CFAP43: variants seen among roughly 807,000 people sequenced by gnomAD.
CFAP43 encodes the protein cilia and flagella associated protein 43, also known as cilia- and flagella-associated protein 43.
In CFAP43, 155 loss-of-function variants were observed where a neutral mutation model predicts 218.9. The ratio of observed to expected loss-of-function variants is 0.71; its 90% CI spans 0.62 to 0.81. CFAP43 has a LOEUF of 0.81. Among genes scored for constraint, CFAP43 ranks in the 30% least tolerant of loss-of-function variants. The pLI is 0.00. For missense variants in CFAP43, 1,778 were observed against 1,954.3 expected, an observed-to-expected ratio of 0.91 and a Z score of 1.70; for synonymous variants, 645 against 681.3, an observed-to-expected ratio of 0.95 and a Z score of 0.83.
At chr10:104,215,424 C>T (rs775027159) in intron 3 of CFAP43, among the ~76,000 whole-genome samples, 34 of 152,130 alleles carry the variant, frequency 2.2e-4, no homozygotes, top group Non-Finnish European at 4.9e-4. Context: ...CACAAATGCC[C>T]TGCCCAACAC....
intron 5 of CFAP43, among the ~76,000 whole-genome samples, chr10:104,208,881 GC>G (rs1303585082): frequency 6.6e-6 from 1 of 152,118 alleles, no homozygotes; most frequent in Non-Finnish European, 1.5e-5. Flanking sequence ...GATAACATCT[GC>G]CTTTGATTTC....
At chr10:104,232,085 G>A in intron 1 of CFAP43, 97 bp downstream of exon 1, 2 of 1,412,000 alleles carry the variant, frequency 1.4e-6, no homozygotes, top group Non-Finnish European at 1.9e-6. Flanking sequence ...TGCGGGGAAA[G>A]CCGCCCTAAG....
At position 104,230,705 on chromosome 10, in the gene CFAP43, C is replaced by T; in HGVS notation, c.204G>A (p.Val68=). 1 of 1,614,028 alleles carries T rather than the reference C, an allele frequency of 6.2e-7. No individual in the cohort carries two copies. Among genetic ancestry groups the T allele is most frequent in the Non-Finnish European group, 8.5e-7 (1 of 1,180,026 alleles). ...KTVLQCSNGI[V]GVMATNIPCE... The stretch of plus-strand genomic sequence containing the variant: ...AGGGGATGTTAGTTGCCATGACGCC[C>T]ACAATTCCATTACTACACTGCAGTA... The change falls in exon 2 of 38, where the codon GTG becomes GTA. Residue 68 remains valine (V), a synonymous_variant. Coordinates refer to ENST00000357060, the MANE Select transcript of CFAP43 (RefSeq NM_025145.7).
intron 12 of CFAP43, among the ~76,000 whole-genome samples, chr10:104,190,174 A>T (rs1340808897): frequency 6.6e-6 from 1 of 150,994 alleles, no homozygotes; most frequent in African/African-American, 2.4e-5. Context: ...ACAAAAACAA[A>T]ACAGAGAACA....
intron 33 of CFAP43, 62 bp downstream of exon 33, chr10:104,142,219 C>T: frequency 7.1e-7 from 1 of 1,401,400 alleles, no homozygotes; most frequent in Non-Finnish European, 1.0e-6. Flanking sequence ...AGTGATAACA[C>T]AACCTGATTT....
In CFAP43 at chr10:104,168,797, G is replaced by A; in HGVS notation, c.2638C>T (p.Leu880Phe). The A allele has an allele frequency of 6.2e-7, 1 of 1,614,068 alleles. No individual in the cohort carries two copies. The highest frequency in any genetic ancestry group is 2.2e-5 in the East Asian group (1 of 44,884). Residue 880 changes from leucine to phenylalanine, a missense_variant, in exon 21 of 38, where the codon CTT (leucine) becomes TTT (phenylalanine). Physicochemically the swap from Leu to Phe is conservative, Grantham distance 22 (BLOSUM62 0). Transcript: ENST00000357060. ...HNLAKSYLAELIKEECWNSMA... is the reference protein window; with the variant it reads ...HNLAKSYLAEFIKEECWNSMA... Reference sequence around the variant, plus strand: ...GAATTCCAACATTCTTCTTTGATAAGTTCAGCCAAATAGCTCTTGGCTAAG... The same window carrying A: ...GAATTCCAACATTCTTCTTTGATAAATTCAGCCAAATAGCTCTTGGCTAAG...
chr10:104,205,487 C>T (rs1182362156), intron 7 of CFAP43, among the ~76,000 whole-genome samples: 1 of 152,012 alleles, frequency 6.6e-6, no homozygotes, highest in African/African-American at 2.4e-5. Flanking sequence ...TAGCTTGGTG[C>T]CTGGCACAAA....
intron 33 of CFAP43, among the ~76,000 whole-genome samples, chr10:104,141,256 G>T (rs1198147535): frequency 6.6e-6 from 1 of 152,122 alleles, no homozygotes; most frequent in Non-Finnish European, 1.5e-5. Context: ...ATTAAGAAAA[G>T]ATTGTATAAT....
At chr10:104,140,671 G>T (rs1330111869) in intron 34 of CFAP43, among the ~76,000 whole-genome samples, 171 bp downstream of exon 34, 1 of 152,096 alleles carries the variant, frequency 6.6e-6, no homozygotes, top group Non-Finnish European at 1.5e-5. Context: ...CAATTAGCTG[G>T]GTGTGGTGGT....
chr10:104,185,965 G>A lies in CFAP43; in HGVS notation c.2010+9C>T. 1 of 1,604,596 alleles carries A rather than the reference G, an allele frequency of 6.2e-7. No homozygotes were observed. Among genetic ancestry groups the A allele is most frequent in the African/African-American group, 1.3e-5 (1 of 74,074 alleles). On this transcript the variant is annotated intron_variant, in intron 15 of 37. Transcript: ENST00000357060. Reference sequence around the variant, plus strand: ...ACCCACAATATTTTTTTTTAAGAAAGCAGCTTACCAAAGTATAAACGTCTC... The same window carrying A: ...ACCCACAATATTTTTTTTTAAGAAAACAGCTTACCAAAGTATAAACGTCTC...
chr10:104,205,042 G>A (rs182156109), intron 7 of CFAP43, among the ~76,000 whole-genome samples: 8 of 151,874 alleles, frequency 5.3e-5, no homozygotes, highest in Non-Finnish European at 1.0e-4. Flanking sequence ...GTGAAACCCC[G>A]TCTCTACTAA....
chr10:104,193,834 C>T lies in CFAP43; in HGVS notation c.1442+32G>A, dbSNP rs772152525. On this transcript the variant is annotated intron_variant, in intron 11 of 37. Transcript: ENST00000357060. ...GAATTTTCAACAGACGGGTGTGACA[C>T]GGAGCCGCTCCTGGAGGCAGAAAGG... 23 of 1,602,912 alleles carry T rather than the reference C, an allele frequency of 1.4e-5. No individual in the cohort carries two copies. The East Asian group carries it at 2.9e-4, about 20-fold the overall frequency.
At chr10:104,164,389 C>G in intron 23 of CFAP43, 89 bp from the exon 24 acceptor site, 1 of 1,100,098 alleles carries the variant, frequency 9.1e-7, no homozygotes, top group Non-Finnish European at 1.3e-6. Context: ...CCTCTAAAAT[C>G]ATTCCACAAA....
chr10:104,211,003 G>C (rs2090844659), intron 5 of CFAP43, among the ~76,000 whole-genome samples: 1 of 151,812 alleles, frequency 6.6e-6, no homozygotes, highest in South Asian at 2.1e-4. Context: ...GTGTTAACCA[G>C]GATGATCTCG....
chr10:104,229,627 G>A (rs1306742883), intron 2 of CFAP43, among the ~76,000 whole-genome samples: 1 of 152,048 alleles, frequency 6.6e-6, no homozygotes, highest in Non-Finnish European at 1.5e-5. Context: ...TCATGCCACT[G>A]CACTCCAGCC....
intron 10 of CFAP43, among the ~76,000 whole-genome samples, chr10:104,195,628 CCCTA>C (rs1206145500): frequency 6.6e-6 from 1 of 152,112 alleles, no homozygotes; most frequent in Non-Finnish European, 1.5e-5. Flanking sequence ...ACTGAAACTT[CCCTA>C]CCTAATACCA....
intron 30 of CFAP43, 133 bp downstream of exon 30, chr10:104,146,130 G>T: frequency 4.8e-6 from 3 of 631,420 alleles, no homozygotes; most frequent in Non-Finnish European, 8.2e-6. Flanking sequence ...ATAGAATGAA[G>T]TTCACCCATA....
At chr10:104,229,616 A>G (rs503980) in intron 2 of CFAP43, among the ~76,000 whole-genome samples, 4,508 of 152,240 alleles carry the variant, frequency 0.03, 228 homozygotes, top group African/African-American at 0.1. Context: ...GTGAGCCAAG[A>G]TCATGCCACT....
At chr10:104,220,150 G>C (rs2091137785) in intron 3 of CFAP43, among the ~76,000 whole-genome samples, 1 of 152,180 alleles carries the variant, frequency 6.6e-6, no homozygotes, top group Non-Finnish European at 1.5e-5. Context: ...AGAGATCTGG[G>C]TGATGTGTCT....
Sources: gnomAD v4.1 joint callset for allele counts (sites outside exome capture counted in the v4.1 genomes callset) on GRCh38, gnomAD v4.1.1 for gene constraint, MANE v1.5 for transcripts, NCBI Gene and HGNC (gene_info 2026-07-23, HGNC 2026-07-21) for gene names.